SRPX: variants seen among roughly 807,000 people sequenced by gnomAD.
SRPX encodes the protein sushi repeat-containing protein SRPX.
In SRPX, 24 loss-of-function variants were observed where a neutral mutation model predicts 38.1. The ratio of observed to expected loss-of-function variants is 0.63; its 90% confidence interval spans 0.46 to 0.89. The LOEUF (loss-of-function observed/expected upper bound fraction) is 0.89, where lower values mean the gene tolerates loss of function less well. SRPX is among the 40% of genes least tolerant of loss of function. The probability of loss-of-function intolerance (pLI) is 0.00; values close to 1 mark genes in which losing one functional copy is unlikely to be tolerated. For synonymous variants in SRPX, 184 were observed against 153.8 expected (o/e 1.20, Z -1.45); for missense variants, 416 against 377.8 (o/e 1.10, Z -0.84).
chrX:38,164,942 G>C (rs747551260), intron 4 of SRPX, 47 bp from the exon 5 acceptor site: 2 of 1,154,141 alleles, frequency 1.7e-6, no homozygotes, highest in South Asian at 3.8e-5. Context: ...GAAATATCTA[G>C]TCAAACTGGG....
chrX:38,211,801 T>C (rs1328769549), intron 1 of SRPX, among the ~76,000 whole-genome samples: 1 of 111,691 alleles, frequency 9.0e-6, no homozygotes, highest in Non-Finnish European at 1.9e-5. Context: ...CTTTAAGTGC[T>C]GTTAACAGTT....
chrX:38,187,902 T>G (rs903154664), intron 1 of SRPX, among the ~76,000 whole-genome samples: 2 of 112,400 alleles, frequency 1.8e-5, no homozygotes, highest in Non-Finnish European at 3.8e-5. Flanking sequence ...TTCTGTTATA[T>G]CTTGGCAAAG....
Position 38,154,479 on chromosome X carries a change from G to A in SRPX, c.1194C>T (p.Ala398=), listed in dbSNP as rs200297982. The change falls in exon 9 of 10, where the codon GCC becomes GCT. Residue 398 remains alanine (A), a synonymous_variant. Coordinates refer to ENST00000378533, the MANE Select transcript of SRPX (RefSeq NM_006307.5). ...GRIGAKIMPP[A]LALQLRLLLR... ...CCCCCTACCTGAGCTGCAGCGCTAG[G>A]GCTGGAGGCATAATCTTTGCTCCTA... is the stretch of plus-strand genomic sequence containing the variant. 8.3e-7 allele frequency: 1 copy of A among 1,203,709 alleles called. No individual in the cohort carries two copies. Among genetic ancestry groups the A allele is most frequent in the Non-Finnish European group, 1.1e-6 (1 of 892,104 alleles).
intron 8 of SRPX, among the ~76,000 whole-genome samples, chrX:38,156,375 A>G (rs1056729716): frequency 1.8e-5 from 2 of 111,826 alleles, no homozygotes; most frequent in Admixed American, 1.9e-4. Context: ...GATTTTGTTA[A>G]AAGTGTAGAT....
Position 38,184,899 on chromosome X carries a change from G to A in SRPX, c.98-6555C>T, listed in dbSNP as rs373847747. On this transcript the variant is annotated intron_variant, in intron 1 of 9. Transcript: ENST00000378533. Reference sequence around the variant, plus strand: ...ATTCTTTATCTGTACTGTCAAATACGGCAGCCACTAGTCCTATGTGGTTAT... The same window carrying A: ...ATTCTTTATCTGTACTGTCAAATACAGCAGCCACTAGTCCTATGTGGTTAT... 7.1e-5 allele frequency among the ~76,000 whole-genome samples: 8 copies of A among 111,949 alleles called. No individual in the cohort carries two copies. The South Asian group carries it at 3.0e-3, about 42-fold the overall frequency.
At chrX:38,185,228 T>C (rs185805809) in intron 1 of SRPX, among the ~76,000 whole-genome samples, 39 of 112,548 alleles carry the variant, frequency 3.5e-4, no homozygotes, top group Admixed American at 3.4e-3. Context: ...ACATAAATTA[T>C]GTCCTCATGC....
rs746820752 is a variant in SRPX at position 38,204,298 on chromosome X, G to A, written c.97+16398C>T. On this transcript the variant is annotated intron_variant, in intron 1 of 9. Coordinates refer to ENST00000378533, the MANE Select transcript of SRPX (RefSeq NM_006307.5). ...TTTTGGAAAGAAGAATAAAGTTAGA[G>A]GAATCACACTACCCAATTTTAAGAC... 4.5e-5 allele frequency among the ~76,000 whole-genome samples: 5 copies of A among 111,985 alleles called. No individual in the cohort carries two copies. The East Asian group carries it at 1.4e-3, about 31-fold the overall frequency.
chrX:38,164,851 T>C lies in SRPX; in HGVS notation c.571A>G (p.Ile191Val). The change falls in exon 5 of 10, where the codon ATT becomes GTT. Residue 191 changes from isoleucine to valine, a missense_variant. Physicochemically the swap from Ile to Val is conservative, Grantham distance 29. Coordinates refer to ENST00000378533, the MANE Select transcript of SRPX (RefSeq NM_006307.5). ...RIKCPSVKER[I>V]AEPNKLTVRV... ...ACTGTCAGTTTGTTGGGTTCTGCAA[T>C]GCGTTCCTTCACACTTGGGCACTTG... 8.3e-7 allele frequency: 1 copy of C among 1,211,080 alleles called. No homozygotes were observed.
chrX:38,156,135 T>C (rs1181123626), intron 8 of SRPX, among the ~76,000 whole-genome samples: 4 of 112,180 alleles, frequency 3.6e-5, no homozygotes, highest in Admixed American at 2.8e-4. Flanking sequence ...TGGCACAGCA[T>C]ACATCCTGCC....
At chrX:38,172,312 G>T (rs886367618) in intron 3 of SRPX, among the ~76,000 whole-genome samples, 1 of 112,265 alleles carries the variant, frequency 8.9e-6, no homozygotes, top group Non-Finnish European at 1.9e-5. Context: ...AATTAGCCAG[G>T]CGTGGTGGCG....
rs1938485634 is a variant in SRPX, at chrX:38,172,206, C to A, written c.350-149G>T. The A allele has an allele frequency of 1.5e-5, 9 of 588,864 alleles. No individual in the cohort carries two copies. In the Admixed American group the frequency reaches 3.4e-4, roughly 22 times the overall value. The allele number at this position is 588,864 out of a possible 1,213,427, so 48.5% of individuals were successfully genotyped here. On this transcript the variant is annotated intron_variant, in intron 3 of 9. Transcript: ENST00000378533. ...CAGTGGCTCACTCCTGTAATCCCAGCACTTTGGGAGGTCGAGGCAGGTGGA... is the reference window on the plus strand; with the variant it reads ...CAGTGGCTCACTCCTGTAATCCCAGAACTTTGGGAGGTCGAGGCAGGTGGA...
chrX:38,153,302 CTTTTT>C (rs58888978), intron 9 of SRPX, among the ~76,000 whole-genome samples: 1 of 54,740 alleles, frequency 1.8e-5, no homozygotes, highest in Non-Finnish European at 3.2e-5. Flanking sequence ...TTCTTTCTTT[CTTTTT>C]TTTTTTTTTT....
At chrX:38,219,345 C>T (rs772119043) in intron 1 of SRPX, among the ~76,000 whole-genome samples, 1 of 110,536 alleles carries the variant, frequency 9.0e-6, no homozygotes, top group Non-Finnish European at 1.9e-5. Flanking sequence ...TTTGCCCGCT[C>T]CCAGAAAGCT....
At chrX:38,184,071 TA>T (rs1938722616) in intron 1 of SRPX, among the ~76,000 whole-genome samples, 1 of 111,679 alleles carries the variant, frequency 9.0e-6, no homozygotes, top group Non-Finnish European at 1.9e-5. Context: ...CACTCTTAAA[TA>T]ATACTTATTA....
intron 7 of SRPX, among the ~76,000 whole-genome samples, chrX:38,159,363 C>A (rs1241050977): frequency 8.9e-6 from 1 of 112,247 alleles, no homozygotes; most frequent in Non-Finnish European, 1.9e-5. Flanking sequence ...TGAAAGGGTG[C>A]CAGGAAATGA....
chrX:38,154,718 C>T, intron 8 of SRPX, 135 bp from the exon 9 acceptor site: 1 of 832,729 alleles, frequency 1.2e-6, no homozygotes, highest in Non-Finnish European at 1.6e-6. Flanking sequence ...GTCCTGAAAA[C>T]AGATGAGAAA....
At chrX:38,171,139 C>A (rs1056064249) in intron 4 of SRPX, among the ~76,000 whole-genome samples, 1 of 111,543 alleles carries the variant, frequency 9.0e-6, no homozygotes, top group East Asian at 2.8e-4. Flanking sequence ...TAGGACCCAC[C>A]GCAGACCTGC....
At chrX:38,158,928 C>T (rs778604342) in intron 7 of SRPX, among the ~76,000 whole-genome samples, 8 of 110,693 alleles carry the variant, frequency 7.2e-5, no homozygotes, top group African/African-American at 1.3e-4. Context: ...TGCAGTGAAC[C>T]GAGATCGCGC....
intron 1 of SRPX, among the ~76,000 whole-genome samples, chrX:38,182,700 C>T (rs776960425): frequency 9.8e-5 from 11 of 111,912 alleles, no homozygotes; most frequent in South Asian, 3.8e-4. Flanking sequence ...GAGAAAACTG[C>T]GCAAGGAGAA....
Sources: gnomAD v4.1 joint callset for allele counts (sites outside exome capture counted in the v4.1 genomes callset) on GRCh38, gnomAD v4.1.1 for gene constraint, MANE v1.5 for transcripts, NCBI Gene and HGNC (gene_info 2026-07-23, HGNC 2026-07-21) for gene names.